Variants in CELF2 observed in about 807,000 individuals in gnomAD.
The protein encoded by CELF2 is CUG triplet repeat RNA-binding protein 2.
In CELF2, 8 loss-of-function variants were observed where a neutral mutation model predicts 62.6. The observed-to-expected ratio is 0.13, with a 90% CI of 0.07 to 0.23. The LOEUF (loss-of-function observed/expected upper bound fraction) is 0.23. Among genes scored for constraint, CELF2 ranks in the 10% least tolerant of loss-of-function variants. The pLI, the probability that CELF2 is intolerant of heterozygous loss-of-function variation, is 1.00. For missense variants in CELF2, 333 were observed against 671.0 expected, an observed-to-expected ratio of 0.50 and a Z score of 5.56; for synonymous variants, 258 against 250.0, an observed-to-expected ratio of 1.03 and a Z score of -0.30.
the CELF2 span, among the ~76,000 whole-genome samples, chr10:10,569,202 G>A: frequency 6.6e-6 from 1 of 152,078 alleles, no homozygotes; most frequent in Non-Finnish European, 1.5e-5. Flanking sequence ...CTGAGACTGG[G>A]TAATTTATAA....
intron 1 of CELF2, among the ~76,000 whole-genome samples, chr10:11,026,711 G>T (rs556835542): frequency 6.6e-6 from 1 of 152,222 alleles, no homozygotes; most frequent in South Asian, 2.1e-4. Flanking sequence ...CTCCTTTAAT[G>T]CCCGTTTTAT....
At chr10:10,970,978 T>C (rs757566579) in intron 2 of CELF2, among the ~76,000 whole-genome samples, 2 of 152,112 alleles carry the variant, frequency 1.3e-5, no homozygotes, top group Non-Finnish European at 2.9e-5. Flanking sequence ...ATGGAACTGA[T>C]GACATTGAAT....
At chr10:11,197,028 A>AAG (rs1565231131) in intron 2 of CELF2, among the ~76,000 whole-genome samples, 2 of 20,980 alleles carry the variant, frequency 9.5e-5, no homozygotes, top group African/African-American at 3.8e-4. Context: ...AAGAAAGAAA[A>AAG]GAAAGAAAGA....
At chr10:10,839,355 G>A (rs1306054297) in intron 1 of CELF2, among the ~76,000 whole-genome samples, 1 of 152,110 alleles carries the variant, frequency 6.6e-6, no homozygotes, top group African/African-American at 2.4e-5. Context: ...GATGTCTTCA[G>A]CTCTATTCCA....
chr10:10,652,388 C>G, the CELF2 span, among the ~76,000 whole-genome samples: 2 of 126,536 alleles, frequency 1.6e-5, no homozygotes, highest in African/African-American at 5.9e-5. Context: ...AAAGATACTC[C>G]TCGAGAAGAG....
At chr10:11,086,578 TAAAA>T (rs1168932032) in intron 1 of CELF2, among the ~76,000 whole-genome samples, 142 of 71,964 alleles carry the variant, frequency 2.0e-3, no homozygotes, top group African/African-American at 7.1e-3. Flanking sequence ...TTGCATTTGT[TAAAA>T]AAAAAAAAAA....
chr10:11,051,718 C>A (rs1034652737), intron 1 of CELF2, among the ~76,000 whole-genome samples: 7 of 152,090 alleles, frequency 4.6e-5, no homozygotes. Context: ...GCACAGGGGA[C>A]CCGATTTGAC....
At chr10:10,852,588 A>G (rs1203490309) in intron 1 of CELF2, among the ~76,000 whole-genome samples, 10 of 152,224 alleles carry the variant, frequency 6.6e-5, no homozygotes, top group African/African-American at 2.4e-5. Flanking sequence ...AAACACACAC[A>G]GACACCACTG....
At chr10:10,967,276 G>A (rs1341104781) in intron 2 of CELF2, among the ~76,000 whole-genome samples, 3 of 152,214 alleles carry the variant, frequency 2.0e-5, no homozygotes, top group Non-Finnish European at 2.9e-5. Context: ...TGGTTGGTAC[G>A]AGAGTAGGTT....
chr10:10,595,578 C>T, the CELF2 span, among the ~76,000 whole-genome samples: 2 of 152,168 alleles, frequency 1.3e-5, no homozygotes, highest in East Asian at 3.9e-4. Context: ...CGGTTTACTA[C>T]TGCCACAGCA....
At position 11,039,032 on chromosome 10, in the gene CELF2, C is replaced by T. The variant is rs1000360709; in HGVS notation, c.74+20869C>T. On this transcript the variant is annotated intron_variant, in intron 1 of 12. Transcript: ENST00000633077. This position sits in a 1 kb window ranked among gnomAD's most constrained non-coding sequence, Gnocchi z 4.1. ...CATCCACCACCCTAAGCCAAGTGCG[C>T]CTGAGCTTCCACAGTATCCTGGACA... Among the ~76,000 whole-genome samples the T allele has an allele frequency of 3.3e-5, 5 of 152,202 alleles. No homozygotes were observed. The highest frequency in any genetic ancestry group is 1.2e-4 in the African/African-American group (5 of 41,452).
chr10:10,474,227 G>A, the CELF2 span, among the ~76,000 whole-genome samples: 3 of 152,002 alleles, frequency 2.0e-5, no homozygotes, highest in African/African-American at 7.2e-5. Context: ...ATGACAGCTT[G>A]AGCCCAGGAG....
At chr10:10,562,781 G>GAGCCTCCCTCCCTGCCCTCCAC in the CELF2 span, among the ~76,000 whole-genome samples, 2 of 136,920 alleles carry the variant, frequency 1.5e-5, no homozygotes, top group Admixed American at 7.3e-5. Flanking sequence ...GTCAGATACG[G>GAGCCTCCCTCCCTGCCCTCCAC]AGCCTACCTC....
At chr10:10,669,929 T>A in the CELF2 span, among the ~76,000 whole-genome samples, 1 of 148,936 alleles carries the variant, frequency 6.7e-6, no homozygotes, top group African/African-American at 2.5e-5. Flanking sequence ...TGAGACGGAG[T>A]TTTGCTCTTG....
chr10:10,554,696 T>C, the CELF2 span, among the ~76,000 whole-genome samples: 1 of 152,110 alleles, frequency 6.6e-6, no homozygotes, highest in Non-Finnish European at 1.5e-5. Context: ...TCTACCCTAT[T>C]TGGCTTTTCA....
intron 3 of CELF2, among the ~76,000 whole-genome samples, chr10:11,219,159 G>T (rs1322203832): frequency 6.6e-6 from 1 of 152,178 alleles, no homozygotes; most frequent in Non-Finnish European, 1.5e-5. Flanking sequence ...TGCAGAGCTT[G>T]GTGAATATGT....
At chr10:11,090,849 T>G (rs867724341) in intron 1 of CELF2, among the ~76,000 whole-genome samples, 1 of 152,248 alleles carries the variant, frequency 6.6e-6, no homozygotes, top group South Asian at 2.1e-4. Flanking sequence ...AATTGATACC[T>G]AAGTTAAAAA....
intron 1 of CELF2, among the ~76,000 whole-genome samples, chr10:11,104,649 T>A (rs901790174): frequency 6.6e-6 from 1 of 152,204 alleles, no homozygotes; most frequent in Non-Finnish European, 1.5e-5. Flanking sequence ...GCCACTGCAC[T>A]CCAGTCTAGG....
At chr10:10,841,148 C>A (rs1186087367) in intron 1 of CELF2, among the ~76,000 whole-genome samples, 2 of 152,134 alleles carry the variant, frequency 1.3e-5, no homozygotes, top group African/African-American at 4.8e-5. Context: ...CTGCAGTAAA[C>A]ATACGTGTGC....
Sources: gnomAD v4.1 joint callset for allele counts (sites outside exome capture counted in the v4.1 genomes callset) on GRCh38, gnomAD v4.1.1 for gene constraint, Gnocchi (gnomAD v3.1) non-coding constraint, MANE v1.5 for transcripts, NCBI Gene and HGNC (gene_info 2026-07-23, HGNC 2026-07-21) for gene names.